Variants in CAV2 observed in about 807,000 individuals in gnomAD.
CAV2 encodes the protein caveolin 2.
In CAV2, 7 loss-of-function variants were observed where a neutral mutation model predicts 15.5. That is an observed-to-expected ratio of 0.45 (90% CI 0.26 to 0.85). The LOEUF is 0.85. Among genes scored for constraint, CAV2 ranks in the 40% least tolerant of loss-of-function variants. CAV2 has a pLI of 0.18. For synonymous variants in CAV2, 76 were observed against 83.1 expected (o/e 0.91, Z 0.46); for missense variants, 229 against 208.8 (o/e 1.10, Z -0.60).
intron 2 of CAV2, among the ~76,000 whole-genome samples, chr7:116,505,088 C>T (rs1467329406): frequency 1.3e-5 from 2 of 152,068 alleles, no homozygotes; most frequent in African/African-American, 4.8e-5. Flanking sequence ...ATTTATAATA[C>T]CTTTTGATAC....
rs755681173 is a variant in CAV2, at chr7:116,500,275, G to T, written c.166G>T (p.Val56Leu). 3.7e-6 allele frequency: 6 copies of T among 1,614,036 alleles called. No individual in the cohort carries two copies. The South Asian group carries it at 5.5e-5, about 15-fold the overall frequency. Residue 56 changes from valine (V) to leucine (L), a missense_variant, in exon 2 of 3, where the codon GTG (valine) becomes TTG (leucine). Transcript: ENST00000222693. Reference protein sequence around the residue: ...NSHLKLGFEDVIAEPVTTHSF... With the variant: ...NSHLKLGFEDLIAEPVTTHSF... Reference sequence around the variant, plus strand: ...GTCTCCTCAGCTGGGCTTCGAGGATGTGATCGCAGAGCCGGTGACTACGCA... The same window carrying T: ...GTCTCCTCAGCTGGGCTTCGAGGATTTGATCGCAGAGCCGGTGACTACGCA...
In CAV2 at chr7:116,507,788, T is replaced by G. The variant is rs1793276853; in HGVS notation, c.*1667T>G. 1 of 152,224 alleles carries G rather than the reference T, an allele frequency of 6.6e-6. No individual in the cohort carries two copies. The highest frequency in any genetic ancestry group is 2.4e-5 in the African/African-American group (1 of 41,468). The allele number at this position is 152,224 out of a possible 1,614,324, so 9.4% of individuals were successfully genotyped here. On this transcript the variant is annotated 3_prime_UTR_variant, in exon 3 of 3. Transcript: ENST00000222693. ...AGTAGTTACTAAAATTTACACATCT[T>G]AAAAGTGTGTAAATGCTTAAATTTC... is the stretch of plus-strand genomic sequence containing the variant.
Position 116,505,903 on chromosome 7 carries a change from A to T in CAV2, c.339-68A>T, listed in dbSNP as rs4730743. On this transcript the variant is annotated intron_variant, in intron 2 of 2. Transcript: ENST00000222693. The stretch of plus-strand genomic sequence containing the variant: ...ATGGGTCAGTATTTTATCTTTTCAT[A>T]CATGTACAAGACAGACCTTATTTGG... 0.51 allele frequency: 523,719 copies of T among 1,022,846 alleles called. 137,096 individuals are homozygous for T. The highest frequency in any genetic ancestry group is 0.76 in the East Asian group (30,001 of 39,582). 63.4% of individuals were successfully genotyped at this position (1,022,846 alleles called of 1,614,324 possible).
In CAV2 at chr7:116,500,454, C is replaced by T; in HGVS notation, c.338+7C>T. Reference sequence around the variant, plus strand: ...TCAGCTGTCTGCACATCTGGTGAGACGGGGCACACCGGGTGGACCGGCTTT... The same window carrying T: ...TCAGCTGTCTGCACATCTGGTGAGATGGGGCACACCGGGTGGACCGGCTTT... On this transcript the variant is annotated splice_region_variant and intron_variant, in intron 2 of 2. Transcript: ENST00000222693. 6.2e-7 allele frequency: 1 copy of T among 1,609,700 alleles called. No homozygotes were observed. Among genetic ancestry groups the T allele is most frequent in the Non-Finnish European group, 8.5e-7 (1 of 1,177,690 alleles).
chr7:116,504,866 T>G (rs1793195696), intron 2 of CAV2, among the ~76,000 whole-genome samples: 1 of 152,208 alleles, frequency 6.6e-6, no homozygotes, highest in South Asian at 2.1e-4. Flanking sequence ...AGTTCTAACA[T>G]CATTTGCAGG....
At chr7:116,502,363 G>GT (rs1584754892) in intron 2 of CAV2, among the ~76,000 whole-genome samples, 1 of 151,994 alleles carries the variant, frequency 6.6e-6, no homozygotes, top group Non-Finnish European at 1.5e-5. Flanking sequence ...ACTTCAGCTT[G>GT]TTTTTTTAAC....
chr7:116,507,237 C>T lies in CAV2; in HGVS notation c.*1116C>T, dbSNP rs1301778532. 2.6e-5 allele frequency: 4 copies of T among 152,582 alleles called. No individual in the cohort carries two copies. The East Asian group carries it at 7.7e-4, about 29-fold the overall frequency. 9.5% of individuals were successfully genotyped at this position (152,582 alleles called of 1,614,324 possible). A position where few individuals can be genotyped will look rare whatever the true frequency, so the allele number is the denominator to read the frequency against. On this transcript the variant is annotated 3_prime_UTR_variant, in exon 3 of 3. Coordinates refer to ENST00000222693, the MANE Select transcript of CAV2 (RefSeq NM_001233.5). The stretch of plus-strand genomic sequence containing the variant: ...GTTGTCAACTTGGGCTACTGAACTA[C>T]ATGCATAAACTAAAAACTAACAGCT...
At position 116,507,006 on chromosome 7, in the gene CAV2, C is replaced by T. The variant is rs1332774091; in HGVS notation, c.*885C>T. The stretch of plus-strand genomic sequence containing the variant: ...TTTATGACATTTTTCTGGCTGTGAT[C>T]TTAAAATAATTCATATCTAAATAGT... On this transcript the variant is annotated 3_prime_UTR_variant, in exon 3 of 3. Transcript: ENST00000222693. 1 of 152,546 alleles carries T rather than the reference C, an allele frequency of 6.6e-6. No individual in the cohort carries two copies. Among genetic ancestry groups the T allele is most frequent in the Non-Finnish European group, 1.5e-5 (1 of 68,034 alleles). 9.4% of individuals were successfully genotyped at this position (152,546 alleles called of 1,614,324 possible).
At chr7:116,502,291 A>G (rs923560869) in intron 2 of CAV2, among the ~76,000 whole-genome samples, 1 of 152,236 alleles carries the variant, frequency 6.6e-6, no homozygotes, top group Non-Finnish European at 1.5e-5. Flanking sequence ...TAGTGCTTCA[A>G]TTGGTGAATC....
In CAV2 at chr7:116,505,637, T is replaced by G. The variant is rs533084085; in HGVS notation, c.339-334T>G. On this transcript the variant is annotated intron_variant, in intron 2 of 2. Transcript: ENST00000222693. ...GAGAGAATGTGGAGGTCCCAGACTC[T>G]TTTAGTTAATCAGATCTCAAGCAAA... Among the ~76,000 whole-genome samples the G allele has an allele frequency of 5.3e-5, 8 of 152,204 alleles. No homozygotes were observed. In the South Asian group the frequency reaches 1.7e-3, roughly 32 times the overall value.
intron 1 of CAV2, 100 bp from the exon 2 acceptor site, chr7:116,500,160 G>A: frequency 6.6e-7 from 1 of 1,521,152 alleles, no homozygotes; most frequent in South Asian, 1.3e-5. Context: ...CGGACGCCCT[G>A]GCACGTCCTT....
chr7:116,500,801 T>A, intron 2 of CAV2: 1 of 222,998 alleles, frequency 4.5e-6, no homozygotes, highest in Non-Finnish European at 8.8e-6. Context: ...TGGGCAGGAC[T>A]CTTCTTTCTT....
Position 116,499,938 on chromosome 7 carries a change from C to A in CAV2, c.150+7C>A, listed in dbSNP as rs1793051439. 1.2e-6 allele frequency: 2 copies of A among 1,609,952 alleles called. No homozygotes were observed. Among genetic ancestry groups the A allele is most frequent in the African/African-American group, 1.3e-5 (1 of 74,676 alleles). ...GCTCAACTCGCATCTCAAGGTGAAG[C>A]CCGGGGCGGGCGGGCCCAAGTCCCC... On this transcript the variant is annotated splice_region_variant and intron_variant, in intron 1 of 2. Coordinates refer to ENST00000222693, the MANE Select transcript of CAV2 (RefSeq NM_001233.5).
Position 116,508,258 on chromosome 7 carries a change from C to T in CAV2, c.*2137C>T, listed in dbSNP as rs540520121. 4 of 152,300 alleles carry T rather than the reference C, an allele frequency of 2.6e-5. No homozygotes were observed. The South Asian group carries it at 8.3e-4, about 32-fold the overall frequency. 9.4% of individuals were successfully genotyped at this position (152,300 alleles called of 1,614,324 possible). A position where few individuals can be genotyped will look rare whatever the true frequency, so the allele number is the denominator to read the frequency against. ...ATAAATTATGAGCTATCCTTTCAAA[C>T]AGCTATTGGCAAGTTTTAAACCCAA... On this transcript the variant is annotated 3_prime_UTR_variant, in exon 3 of 3. Transcript: ENST00000222693.
chr7:116,499,742 C>T lies in CAV2; in HGVS notation c.-40C>T, dbSNP rs1793041521. On this transcript the variant is annotated 5_prime_UTR_variant, in exon 1 of 3. Coordinates refer to ENST00000222693, the MANE Select transcript of CAV2 (RefSeq NM_001233.5). The stretch of plus-strand genomic sequence containing the variant: ...AGGCCGCGCGGACCGGGAGCCGCAC[C>T]GCGCCAGCCGGGCTGCAGCGGCCGC... 1 of 1,463,094 alleles carries T rather than the reference C, an allele frequency of 6.8e-7. No individual in the cohort carries two copies. Among genetic ancestry groups the T allele is most frequent in the African/African-American group, 1.5e-5 (1 of 67,458 alleles). 90.6% of individuals were successfully genotyped at this position (1,463,094 alleles called of 1,614,324 possible).
chr7:116,508,014 CA>C lies in CAV2; in HGVS notation c.*1897del, dbSNP rs1323332978. On this transcript the variant is annotated 3_prime_UTR_variant, in exon 3 of 3. Transcript: ENST00000222693. ...TGAAGGTAGTTGCAAAGAGACATTT[CA>C]AAACTGCCCTAGGCCATTGCAGCAT... 7 of 152,306 alleles carry C rather than the reference CA, an allele frequency of 4.6e-5. No homozygotes were observed. Among genetic ancestry groups the C allele is most frequent in the African/African-American group, 1.7e-4 (7 of 41,566 alleles). 9.4% of individuals were successfully genotyped at this position (152,306 alleles called of 1,614,324 possible). A position where few individuals can be genotyped will look rare whatever the true frequency, so the allele number is the denominator to read the frequency against.
chr7:116,501,190 A>T (rs1014651331), intron 2 of CAV2: 2 of 152,246 alleles, frequency 1.3e-5, no homozygotes, highest in African/African-American at 4.8e-5. Context: ...TTCATACTCA[A>T]AATGTGTCCT....
At position 116,506,173 on chromosome 7, in the gene CAV2, T is replaced by C; in HGVS notation, c.*52T>C. 1.3e-6 allele frequency: 2 copies of C among 1,584,026 alleles called. No homozygotes were observed. The highest frequency in any genetic ancestry group is 1.7e-6 in the Non-Finnish European group (2 of 1,154,582). On this transcript the variant is annotated 3_prime_UTR_variant, in exon 3 of 3. Coordinates refer to ENST00000222693, the MANE Select transcript of CAV2 (RefSeq NM_001233.5). ...GGGATACTGTAATACTTCTTTGTTA[T>C]TATAACATAAAAGCACCACTGTTCT... is the stretch of plus-strand genomic sequence containing the variant.
At chr7:116,504,372 A>C (rs1001244549) in intron 2 of CAV2, among the ~76,000 whole-genome samples, 2 of 152,250 alleles carry the variant, frequency 1.3e-5, no homozygotes, top group Non-Finnish European at 2.9e-5. Flanking sequence ...TAAAGTTGCC[A>C]TCATTGAGGT....
Sources: gnomAD v4.1 joint callset for allele counts (sites outside exome capture counted in the v4.1 genomes callset) on GRCh38, gnomAD v4.1.1 for gene constraint, MANE v1.5 for transcripts, NCBI Gene and HGNC (gene_info 2026-07-23, HGNC 2026-07-21) for gene names.